Variants in KHDRBS2 observed in about 807,000 individuals in gnomAD.
KHDRBS2 encodes the protein KH RNA binding domain containing, signal transduction associated 2.
Under a neutral mutation model 44.3 loss-of-function variants are expected in KHDRBS2, and 26 were observed. The ratio of observed to expected loss-of-function variants is 0.59; its 90% confidence interval spans 0.43 to 0.81. KHDRBS2 has a LOEUF of 0.81. Ranked by LOEUF, KHDRBS2 falls within the 40% of genes least tolerant of loss-of-function variation. The pLI, the probability that KHDRBS2 is intolerant of heterozygous loss-of-function variation, is 0.00. For missense variants in KHDRBS2, 476 were observed against 433.1 expected (o/e 1.10, Z -0.88); for synonymous variants, 194 against 151.1 (o/e 1.28, Z -2.08).
intron 8 of KHDRBS2, among the ~76,000 whole-genome samples, chr6:61,683,903 C>G (rs1486507827): frequency 2.0e-5 from 3 of 151,848 alleles, no homozygotes; most frequent in Admixed American, 6.6e-5. Flanking sequence ...ATTTCCTATC[C>G]AAGCAAAAGT....
chr6:62,060,804 T>G (rs1036557115), intron 2 of KHDRBS2, among the ~76,000 whole-genome samples: 3 of 151,856 alleles, frequency 2.0e-5, no homozygotes, highest in Admixed American at 6.6e-5. Flanking sequence ...ATATAATTCA[T>G]TTATACTAAG....
intron 6 of KHDRBS2, among the ~76,000 whole-genome samples, chr6:61,832,622 A>T (rs973454774): frequency 5.9e-5 from 9 of 152,140 alleles, no homozygotes; most frequent in Non-Finnish European, 1.2e-4. Flanking sequence ...TCTACTTTAA[A>T]CTGAGAAGTG....
intron 6 of KHDRBS2, among the ~76,000 whole-genome samples, chr6:61,886,791 T>C (rs1258445204): frequency 6.6e-6 from 1 of 152,178 alleles, no homozygotes; most frequent in Non-Finnish European, 1.5e-5. Context: ...TGTTAATTGT[T>C]GGACTAATGC....
At chr6:62,157,012 A>T (rs1344116123) in intron 2 of KHDRBS2, among the ~76,000 whole-genome samples, 1 of 151,322 alleles carries the variant, frequency 6.6e-6, no homozygotes, top group Non-Finnish European at 1.5e-5. Flanking sequence ...TGACAACATG[A>T]AATTAATACT....
intron 6 of KHDRBS2, among the ~76,000 whole-genome samples, chr6:61,818,052 A>G (rs970316716): frequency 1.3e-5 from 2 of 152,006 alleles, no homozygotes; most frequent in African/African-American, 4.8e-5. Context: ...AATCACAGGG[A>G]AAAATCCCTA....
chr6:61,674,332 C>A, the KHDRBS2 span, among the ~76,000 whole-genome samples: 3 of 151,746 alleles, frequency 2.0e-5, no homozygotes, highest in Non-Finnish European at 2.9e-5. Context: ...GGAATTCTGT[C>A]TCCTCTTTTT....
chr6:62,261,743 T>C (rs1357525936), intron 1 of KHDRBS2, among the ~76,000 whole-genome samples: 1 of 151,792 alleles, frequency 6.6e-6, no homozygotes, highest in Non-Finnish European at 1.5e-5. Flanking sequence ...TATAAGACAT[T>C]TTTGGAATTC....
the KHDRBS2 span, among the ~76,000 whole-genome samples, chr6:61,655,754 T>C: frequency 6.6e-6 from 1 of 152,196 alleles, no homozygotes; most frequent in East Asian, 1.9e-4. Context: ...TTAGCCTACA[T>C]GTAAGATTTT....
intron 7 of KHDRBS2, among the ~76,000 whole-genome samples, chr6:61,701,835 T>C (rs1768732339): frequency 6.6e-6 from 1 of 152,020 alleles, no homozygotes; most frequent in African/African-American, 2.4e-5. Context: ...AGTTATTCTG[T>C]TCCCCTTTGA....
chr6:62,107,888 C>A (rs1286501992), intron 2 of KHDRBS2, among the ~76,000 whole-genome samples: 1 of 152,110 alleles, frequency 6.6e-6, no homozygotes, highest in Non-Finnish European at 1.5e-5. Context: ...ACTTGTTAGC[C>A]ATATGTAGAA....
chr6:61,901,013 C>T (rs73487370), intron 5 of KHDRBS2, among the ~76,000 whole-genome samples: 1,570 of 151,620 alleles, frequency 0.01, 28 homozygotes, highest in African/African-American at 0.036. Flanking sequence ...CCTTTCTCTA[C>T]TTCAATTTCT....
At chr6:61,657,435 C>T in the KHDRBS2 span, among the ~76,000 whole-genome samples, 3 of 152,034 alleles carry the variant, frequency 2.0e-5, no homozygotes, top group Non-Finnish European at 2.9e-5. Context: ...CATCTGACAT[C>T]GTTTCCACGA....
rs189932507 is a variant in KHDRBS2 at position 61,977,940 on chromosome 6, T to A, written c.483+126A>T. On this transcript the variant is annotated intron_variant, in intron 4 of 8. Transcript: ENST00000281156. ...TCCTATTTTATTTTTTAGCTTTGTA[T>A]CGACCTGTGGATAGATCATTGGTTT... The A allele has an allele frequency of 4.4e-4, 338 of 771,138 alleles. 2 individuals carry two copies. In the African/African-American group the frequency reaches 5.0e-3, roughly 12 times the overall value. The allele number at this position is 771,138 out of a possible 1,614,324, so 47.8% of individuals were successfully genotyped here. A position where few individuals can be genotyped will look rare whatever the true frequency, so the allele number is the denominator to read the frequency against.
intron 8 of KHDRBS2, among the ~76,000 whole-genome samples, chr6:61,690,757 A>G (rs1423309191): frequency 6.6e-6 from 1 of 152,040 alleles, no homozygotes; most frequent in African/African-American, 2.4e-5. Flanking sequence ...CACCTTCAAA[A>G]ATGCAAATGA....
chr6:62,004,398 T>C (rs1156307997), intron 3 of KHDRBS2, among the ~76,000 whole-genome samples: 1 of 151,928 alleles, frequency 6.6e-6, no homozygotes, highest in Non-Finnish European at 1.5e-5. Flanking sequence ...AGCTAGAAAA[T>C]CTAGAAGAAA....
intron 1 of KHDRBS2, among the ~76,000 whole-genome samples, chr6:62,183,573 T>G (rs1014165701): frequency 2.0e-5 from 3 of 151,652 alleles, no homozygotes; most frequent in Non-Finnish European, 4.4e-5. Flanking sequence ...AAGAAGTTTC[T>G]AGTTCTATGG....
intron 2 of KHDRBS2, among the ~76,000 whole-genome samples, chr6:62,081,495 T>C (rs757751231): frequency 6.6e-6 from 1 of 152,116 alleles, no homozygotes; most frequent in Non-Finnish European, 1.5e-5. Context: ...AAGACATAAA[T>C]TTGGGGCAAC....
intron 6 of KHDRBS2, among the ~76,000 whole-genome samples, chr6:61,801,919 C>A (rs1172588450): frequency 6.6e-6 from 1 of 152,108 alleles, no homozygotes; most frequent in African/African-American, 2.4e-5. Flanking sequence ...AGAGGATTAT[C>A]TAGGTAGGTC....
intron 2 of KHDRBS2, among the ~76,000 whole-genome samples, chr6:62,095,817 C>T (rs930568971): frequency 6.6e-6 from 1 of 151,792 alleles, no homozygotes; most frequent in Non-Finnish European, 1.5e-5. Context: ...AGAAAGTTTT[C>T]AGCTTTTCCC....
Sources: allele counts gnomAD v4.1 joint callset (sites outside exome capture counted in the v4.1 genomes callset), GRCh38; gene constraint gnomAD v4.1.1; transcripts MANE v1.5; gene names NCBI Gene and HGNC (gene_info 2026-07-23, HGNC 2026-07-21).